Variants in PHACTR2 observed in about 807,000 individuals in gnomAD.
PHACTR2 encodes the protein chromosome 6 open reading frame 56.
PHACTR2 carries 30 observed loss-of-function variants against 76.0 expected under a neutral mutation model. That is an observed-to-expected ratio of 0.39 (90% CI 0.30 to 0.54). The LOEUF is 0.54. Among genes scored for constraint, PHACTR2 ranks in the 20% least tolerant of loss-of-function variants. The pLI, the probability that PHACTR2 is intolerant of heterozygous loss-of-function variation, is 0.61. For synonymous variants in PHACTR2, 292 were observed against 292.5 expected (o/e 1.00, Z 0.02); for missense variants, 696 against 781.1 (o/e 0.89, Z 1.30).
At chr6:143,812,689 C>T (rs9390142) in intron 12 of PHACTR2, among the ~76,000 whole-genome samples, 17,962 of 152,200 alleles carry the variant, frequency 0.12, 1,219 homozygotes, top group Middle Eastern at 0.16. Context: ...GCCCTAACCT[C>T]AGTTGCTTAG....
chr6:143,607,254 T>C (rs1280140246), upstream of PHACTR2, among the ~76,000 whole-genome samples: 2 of 152,222 alleles, frequency 1.3e-5, no homozygotes, highest in Non-Finnish European at 2.9e-5. Flanking sequence ...TATGAGGTCA[T>C]TGCAAATCTT....
chr6:143,689,208 C>T lies in PHACTR2; in HGVS notation c.46+10999C>T, dbSNP rs1389553043. On this transcript the variant is annotated intron_variant, in intron 1 of 12. Coordinates refer to ENST00000440869, the MANE Select transcript of PHACTR2 (RefSeq NM_001100164.2). The surrounding 1 kb of genome is among the most constrained non-coding windows in gnomAD (Gnocchi z 4.4). ...CCAGAATAACCCACCCAGGTCCCACCCACAGCTCTCTGTGCCTTCACTGCA... is the reference window on the plus strand; with the variant it reads ...CCAGAATAACCCACCCAGGTCCCACTCACAGCTCTCTGTGCCTTCACTGCA... Among the ~76,000 whole-genome samples the T allele has an allele frequency of 6.6e-6, 1 of 152,216 alleles. No homozygotes were observed. The highest frequency in any genetic ancestry group is 1.5e-5 in the Non-Finnish European group (1 of 68,042).
In PHACTR2 at chr6:143,686,591, G is replaced by T. The variant is rs529785815; in HGVS notation, c.46+8382G>T. On this transcript the variant is annotated intron_variant, in intron 1 of 12. Coordinates refer to ENST00000440869, the MANE Select transcript of PHACTR2 (RefSeq NM_001100164.2). ...CAACCTCCACCTTCTGGTTTCAAGT[G>T]ATTCTCCTGCCTCAGCCTCCCAGGT... is the stretch of plus-strand genomic sequence containing the variant. 6.8e-5 allele frequency among the ~76,000 whole-genome samples: 10 copies of T among 146,200 alleles called. No homozygotes were observed. In the East Asian group the frequency reaches 2.2e-3, roughly 32 times the overall value.
At chr6:143,729,844 G>C (rs543530071) in intron 2 of PHACTR2, among the ~76,000 whole-genome samples, 23 of 152,092 alleles carry the variant, frequency 1.5e-4, no homozygotes, top group East Asian at 1.9e-4. Flanking sequence ...AAGAGCAAAG[G>C]CTCTTAATTT....
At chr6:143,644,078 T>TAGTC (rs1241732821) in intron 1 of PHACTR2, among the ~76,000 whole-genome samples, 1 of 152,152 alleles carries the variant, frequency 6.6e-6, no homozygotes, top group East Asian at 1.9e-4. Flanking sequence ...AACCAATGTA[T>TAGTC]AGTCATTTTA....
At chr6:143,579,939 C>T (rs1775554464) in intron 1 of PHACTR2, among the ~76,000 whole-genome samples, 2 of 152,308 alleles carry the variant, frequency 1.3e-5, no homozygotes, top group African/African-American at 4.8e-5. Context: ...TCCAAGCTGA[C>T]TCACGTAGTT....
At chr6:143,797,273 T>C (rs943743324) in intron 11 of PHACTR2, among the ~76,000 whole-genome samples, 9 of 152,244 alleles carry the variant, frequency 5.9e-5, no homozygotes, top group Non-Finnish European at 1.3e-4. Context: ...TTTTTTCTTG[T>C]AAATTTGTTT....
chr6:143,817,511 A>T (rs567912386), intron 12 of PHACTR2, among the ~76,000 whole-genome samples: 7 of 152,232 alleles, frequency 4.6e-5, no homozygotes, highest in South Asian at 4.1e-4. Context: ...GTATCACTGG[A>T]TGGGCTCTTC....
In PHACTR2 at chr6:143,775,632, T is replaced by C. The variant is rs1775255417; in HGVS notation, c.1589+1417T>C. On this transcript the variant is annotated intron_variant, in intron 8 of 12. Coordinates refer to ENST00000440869, the MANE Select transcript of PHACTR2 (RefSeq NM_001100164.2). The surrounding 1 kb of genome is among the most constrained non-coding windows in gnomAD (Gnocchi z 4.4). ...GTATACTGTCTCCTGTTTTGTACTT[T>C]CTACTCTATGTAAGAGAGTATATGC... Among the ~76,000 whole-genome samples the C allele has an allele frequency of 6.6e-6, 1 of 152,248 alleles. No individual in the cohort carries two copies. Among genetic ancestry groups the C allele is most frequent in the African/African-American group, 2.4e-5 (1 of 41,466 alleles).
At position 143,775,467 on chromosome 6, in the gene PHACTR2, C is replaced by CA. The variant is rs1775251115; in HGVS notation, c.1589+1252_1589+1253insA. Among the ~76,000 whole-genome samples the CA allele has an allele frequency of 6.6e-6, 1 of 152,128 alleles. No homozygotes were observed. The highest frequency in any genetic ancestry group is 1.5e-5 in the Non-Finnish European group (1 of 68,020). The stretch of plus-strand genomic sequence containing the variant: ...GGAAAAACCTACAGTTCTAAACTTG[C>CA]CATCTTACCAAGGAAAAACAAGGGG... On this transcript the variant is annotated intron_variant, in intron 8 of 12. Coordinates refer to ENST00000440869, the MANE Select transcript of PHACTR2 (RefSeq NM_001100164.2). The surrounding 1 kb of genome is among the most constrained non-coding windows in gnomAD (Gnocchi z 4.4).
At position 143,677,979 on chromosome 6, in the gene PHACTR2, A is replaced by G; in HGVS notation, c.-185A>G. ...GAATGACAGGCATCCGCTGGGCAGGATCCGCCGCGCCGGCTGCGGCCGGCC... is the reference window on the plus strand; with the variant it reads ...GAATGACAGGCATCCGCTGGGCAGGGTCCGCCGCGCCGGCTGCGGCCGGCC... On this transcript the variant is annotated 5_prime_UTR_variant, in exon 1 of 13. Coordinates refer to ENST00000440869, the MANE Select transcript of PHACTR2 (RefSeq NM_001100164.2). 7.3e-7 allele frequency: 1 copy of G among 1,376,714 alleles called. No individual in the cohort carries two copies. Among genetic ancestry groups the G allele is most frequent in the Non-Finnish European group, 9.5e-7 (1 of 1,055,584 alleles). 85.3% of individuals were successfully genotyped at this position (1,376,714 alleles called of 1,614,324 possible). A position where few individuals can be genotyped will look rare whatever the true frequency, so the allele number is the denominator to read the frequency against.
chr6:143,657,157 G>A lies in PHACTR2; in HGVS notation c.13+48835G>A, dbSNP rs958959347. ...ATGCAGGGCTTAAAACCTAGATGAC[G>A]GGTTGATAGGTGCAGCAAATCACCA... is the stretch of plus-strand genomic sequence containing the variant. On this transcript the variant is annotated intron_variant, in intron 1 of 11. Coordinates refer to the PHACTR2 transcript ENST00000305766. 3.3e-5 allele frequency among the ~76,000 whole-genome samples: 5 copies of A among 151,980 alleles called. No individual in the cohort carries two copies. The East Asian group carries it at 5.8e-4, about 18-fold the overall frequency.
In PHACTR2 at chr6:143,827,169, T is replaced by C. The variant is rs1258569977; in HGVS notation, c.*3480T>C. ...TTAAAAAAGAAAATATATATATATA[T>C]ATATATATATATATATATATATATA... On this transcript the variant is annotated 3_prime_UTR_variant, in exon 13 of 13. Coordinates refer to ENST00000440869, the MANE Select transcript of PHACTR2 (RefSeq NM_001100164.2). The C allele has an allele frequency of 1.6e-4, 15 of 94,902 alleles. No individual in the cohort carries two copies. Among genetic ancestry groups the C allele is most frequent in the Admixed American group, 6.1e-4 (5 of 8,256 alleles). The allele number at this position is 94,902 out of a possible 1,614,324, so 5.9% of individuals were successfully genotyped here.
In PHACTR2 at chr6:143,633,058, T is replaced by G. The variant is rs1451596717; in HGVS notation, c.13+24736T>G. On this transcript the variant is annotated intron_variant, in intron 1 of 11. Transcript: ENST00000305766. This position sits in a 1 kb window ranked among gnomAD's most constrained non-coding sequence, Gnocchi z 4.1. ...AAGTTTTGTCAATTATGAATGAAGC[T>G]GCTATAAACATCTGTGTGCAGGGCT... Among the ~76,000 whole-genome samples, 3 of 152,242 alleles carry G rather than the reference T, an allele frequency of 2.0e-5. No individual in the cohort carries two copies. The highest frequency in any genetic ancestry group is 7.2e-5 in the African/African-American group (3 of 41,468).
rs550500716 is a variant in PHACTR2 at position 143,678,900 on chromosome 6, G to A, written c.46+691G>A. On this transcript the variant is annotated intron_variant, in intron 1 of 12. Transcript: ENST00000440869. The surrounding 1 kb of genome is among the most constrained non-coding windows in gnomAD (Gnocchi z 6.2). ...TTTCCATTTTCTTAAACAAAAAGAG[G>A]GAAGGAAGGTACGTCTGGCATTTCC... is the stretch of plus-strand genomic sequence containing the variant. Among the ~76,000 whole-genome samples the A allele has an allele frequency of 6.6e-6, 1 of 151,870 alleles. No homozygotes were observed. Among genetic ancestry groups the A allele is most frequent in the South Asian group, 2.1e-4 (1 of 4,808 alleles).
Position 143,654,879 on chromosome 6 carries a change from C to T in PHACTR2, c.13+46557C>T, listed in dbSNP as rs867787217. ...CGACTCTTAAAAACATCATGCTAGC[C>T]GGGCACTGTGGCTCACGCCTGTAAT... On this transcript the variant is annotated intron_variant, in intron 1 of 11. Coordinates refer to the PHACTR2 transcript ENST00000305766. This position sits in a 1 kb window ranked among gnomAD's most constrained non-coding sequence, Gnocchi z 4.6. 6.6e-5 allele frequency among the ~76,000 whole-genome samples: 10 copies of T among 151,036 alleles called. No individual in the cohort carries two copies. Among genetic ancestry groups the T allele is most frequent in the Middle Eastern group, 3.6e-3 (1 of 280 alleles).
intron 1 of PHACTR2, among the ~76,000 whole-genome samples, chr6:143,685,258 A>T (rs1483735759): frequency 6.6e-6 from 1 of 152,032 alleles, no homozygotes; most frequent in African/African-American, 2.4e-5. Context: ...AAATTTTTAA[A>T]CTTTTACATG....
At chr6:143,626,374 G>C (rs1032134193) in intron 1 of PHACTR2, among the ~76,000 whole-genome samples, 4 of 151,790 alleles carry the variant, frequency 2.6e-5, no homozygotes, top group African/African-American at 9.7e-5. Context: ...CGTCTCTACT[G>C]AAAATAAAAA....
intron 1 of PHACTR2, among the ~76,000 whole-genome samples, chr6:143,628,962 TATATATATATATATATAC>T (rs1776311603): frequency 1.1e-5 from 1 of 89,980 alleles, no homozygotes; most frequent in African/African-American, 4.2e-5. Context: ...TATATATATA[TATATATATATATATATAC>T]TGCAAATCCT....
Sources: gnomAD v4.1 joint callset for allele counts (sites outside exome capture counted in the v4.1 genomes callset) on GRCh38, gnomAD v4.1.1 for gene constraint, Gnocchi (gnomAD v3.1) non-coding constraint, MANE v1.5 for transcripts, NCBI Gene and HGNC (gene_info 2026-07-23, HGNC 2026-07-21) for gene names.